Variants in OPTC observed in about 807,000 individuals in gnomAD.
The protein encoded by OPTC is oculoglycan.
In OPTC, 22 loss-of-function variants were observed where a neutral mutation model predicts 25.4. The observed-to-expected ratio is 0.87, with a 90% CI of 0.62 to 1.24. OPTC has a LOEUF of 1.24. Ranked by LOEUF, OPTC falls within the 50% of genes most tolerant of loss-of-function variation. The pLI is 0.00. For missense variants in OPTC, 417 were observed against 425.2 expected (o/e 0.98, Z 0.17); for synonymous variants, 169 against 179.3 (o/e 0.94, Z 0.46).
intron 7 of OPTC, among the ~76,000 whole-genome samples, chr1:203,507,889 G>A (rs1372392519): frequency 6.6e-6 from 1 of 152,156 alleles, no homozygotes; most frequent in Non-Finnish European, 1.5e-5. Flanking sequence ...GACCTTGCCT[G>A]GACTCCCTTC....
chr1:203,494,946 A>G (rs1467601314), intron 1 of OPTC, among the ~76,000 whole-genome samples: 2 of 152,220 alleles, frequency 1.3e-5, no homozygotes, highest in Admixed American at 1.3e-4. Context: ...AAATTTCCAG[A>G]TGCGTACACA....
intron 5 of OPTC, among the ~76,000 whole-genome samples, chr1:203,501,202 G>A (rs540301911): frequency 3.9e-4 from 60 of 152,290 alleles, no homozygotes; most frequent in African/African-American, 1.4e-3. Context: ...CCGTGTTCAA[G>A]CAATTCTCCT....
chr1:203,498,844 G>A lies in OPTC; in HGVS notation c.529+5G>A. 1 of 1,613,728 alleles carries A rather than the reference G, an allele frequency of 6.2e-7. No individual in the cohort carries two copies. The highest frequency in any genetic ancestry group is 1.1e-5 in the South Asian group (1 of 91,090). On this transcript the variant is annotated splice_donor_5th_base_variant and intron_variant, in intron 4 of 7. Transcript: ENST00000367222. ...CCGAAGACTTCAAAGGGCTGAGTATGTAATGCCCTGGGAAAAGAGGAGTGG... is the reference window on the plus strand; with the variant it reads ...CCGAAGACTTCAAAGGGCTGAGTATATAATGCCCTGGGAAAAGAGGAGTGG...
At chr1:203,503,423 A>G (rs1661423444) in intron 6 of OPTC, 127 bp from the exon 7 acceptor site, 1 of 947,700 alleles carries the variant, frequency 1.1e-6, no homozygotes, top group African/African-American at 1.6e-5. Context: ...CTTTGGCCCT[A>G]GATGCTTCAG....
At chr1:203,499,559 A>T (rs1383645010) in intron 4 of OPTC, 90 bp from the exon 5 acceptor site, 1 of 1,051,212 alleles carries the variant, frequency 9.5e-7, no homozygotes, top group Admixed American at 1.7e-5. Context: ...CTTGAGAGGG[A>T]TGGAGCAAGG....
chr1:203,498,544 C>A, intron 3 of OPTC, 137 bp from the exon 4 acceptor site: 1 of 957,512 alleles, frequency 1.0e-6, no homozygotes, highest in Non-Finnish European at 1.7e-6. Context: ...GTACATGGTG[C>A]CCGTCAGTTC....
At chr1:203,508,253 A>C (rs995396960) in intron 7 of OPTC, among the ~76,000 whole-genome samples, 12 of 152,170 alleles carry the variant, frequency 7.9e-5, no homozygotes, top group Non-Finnish European at 1.6e-4. Context: ...CGTCCCCCCA[A>C]AATGCTTTGA....
rs1661386986 is a variant in OPTC at position 203,501,217 on chromosome 1, CGGCCTCCTGAGTAG to C, written c.732+1367_732+1380del. On this transcript the variant is annotated intron_variant, in intron 5 of 7. Transcript: ENST00000367222. ...CCGTGTTCAAGCAATTCTCCTGCCT[CGGCCTCCTGAGTAG>C]CTGGGATTACAGGCATGCACCACCA... Among the ~76,000 whole-genome samples, 11 of 152,304 alleles carry C rather than the reference CGGCCTCCTGAGTAG, an allele frequency of 7.2e-5. No homozygotes were observed. In the South Asian group the frequency reaches 2.3e-3, roughly 32 times the overall value.
intron 6 of OPTC, 152 bp from the exon 7 acceptor site, chr1:203,503,398 A>T: frequency 1.3e-6 from 1 of 763,158 alleles, no homozygotes. Context: ...TCCTCTTCTC[A>T]CCCTTGTTGT....
At chr1:203,506,952 C>A (rs1372144876) in intron 7 of OPTC, among the ~76,000 whole-genome samples, 1 of 152,266 alleles carries the variant, frequency 6.6e-6, no homozygotes, top group African/African-American at 2.4e-5. Context: ...TCCCCAAGGG[C>A]CGCTGCCTCT....
At chr1:203,503,381 CT>C (rs1296031059) in intron 6 of OPTC, among the ~76,000 whole-genome samples, 168 bp from the exon 7 acceptor site, 1 of 152,098 alleles carries the variant, frequency 6.6e-6, no homozygotes, top group Admixed American at 6.5e-5. Context: ...TCCATCCCCC[CT>C]GGGGCTCCTC....
At chr1:203,498,925 G>C in intron 4 of OPTC, 86 bp downstream of exon 4, 1 of 1,459,578 alleles carries the variant, frequency 6.9e-7, no homozygotes, top group African/African-American at 1.4e-5. Context: ...CTGTGTTAGT[G>C]CCCCCCGTGT....
At chr1:203,498,090 C>G (rs1432885179) in intron 3 of OPTC, among the ~76,000 whole-genome samples, 1 of 152,180 alleles carries the variant, frequency 6.6e-6, no homozygotes, top group Non-Finnish European at 1.5e-5. Flanking sequence ...GGTGGCTGAC[C>G]TGGCCTAACC....
At position 203,497,043 on chromosome 1, in the gene OPTC, A is replaced by C; in HGVS notation, c.298A>C (p.Thr100Pro). The change falls in exon 3 of 8, where the codon ACA (threonine) becomes CCA (proline). Residue 100 changes from threonine to proline, a missense_variant. Thr to Pro is a conservative substitution (Grantham distance 38, BLOSUM62 -1). Transcript: ENST00000367222. ...SPAKSTTAPG[T>P]PSSNPTMTRP... Reference sequence around the variant, plus strand: ...CGCCAAGAGCACTACGGCTCCAGGGACACCCTCGTCAAACCCCACGATGAC... The same window carrying C: ...CGCCAAGAGCACTACGGCTCCAGGGCCACCCTCGTCAAACCCCACGATGAC... The C allele has an allele frequency of 6.2e-7, 1 of 1,614,052 alleles. No individual in the cohort carries two copies. The highest frequency in any genetic ancestry group is 8.5e-7 in the Non-Finnish European group (1 of 1,179,998).
intron 5 of OPTC, among the ~76,000 whole-genome samples, chr1:203,502,665 T>G (rs1023901592): frequency 6.6e-6 from 1 of 152,200 alleles, no homozygotes; most frequent in African/African-American, 2.4e-5. Flanking sequence ...ATTAGCTCTT[T>G]CCTACTTCAG....
chr1:203,506,717 A>G (rs1321906522), intron 7 of OPTC, among the ~76,000 whole-genome samples: 1 of 152,218 alleles, frequency 6.6e-6, no homozygotes, highest in African/African-American at 2.4e-5. Flanking sequence ...AGGGATGCTC[A>G]TCTTCAGACT....
chr1:203,494,455 A>G (rs1661246441), intron 1 of OPTC, among the ~76,000 whole-genome samples: 1 of 152,102 alleles, frequency 6.6e-6, no homozygotes, highest in African/African-American at 2.4e-5. Flanking sequence ...CTACTGCTAG[A>G]GGCTTGCCCC....
In OPTC at chr1:203,499,669, C is replaced by T. The variant is rs200670063; in HGVS notation, c.550C>T (p.Leu184Phe). The T allele has an allele frequency of 6.2e-7, 1 of 1,613,546 alleles. No homozygotes were observed. Among genetic ancestry groups the T allele is most frequent in the Non-Finnish European group, 8.5e-7 (1 of 1,179,904 alleles). Residue 184 changes from leucine (L) to phenylalanine (F), a missense_variant, in exon 5 of 8, where the codon CTC (leucine) becomes TTC (phenylalanine). Transcript: ENST00000367222. ...KGLTKLKRIDLSNNLISSIDN... is the reference protein window; with the variant it reads ...KGLTKLKRIDFSNNLISSIDN... ...CTCAGCAAAGTTGAAGAGGATTGAC[C>T]TCTCCAACAACCTCATTTCCTCCAT...
chr1:203,498,297 G>A (rs960323784), intron 3 of OPTC, among the ~76,000 whole-genome samples: 7 of 152,336 alleles, frequency 4.6e-5, no homozygotes, highest in Non-Finnish European at 7.3e-5. Context: ...AGATGGCAGA[G>A]CCAGCAACCA....
Sources: gnomAD v4.1 joint callset for allele counts (sites outside exome capture counted in the v4.1 genomes callset) on GRCh38, gnomAD v4.1.1 for gene constraint, MANE v1.5 for transcripts, NCBI Gene and HGNC (gene_info 2026-07-23, HGNC 2026-07-21) for gene names.